The following CTNNA2 variants were observed in gnomAD, a reference collection of about 807,000 sequenced individuals.
CTNNA2 encodes the protein catenin alpha 2.
Under a neutral mutation model 101.0 loss-of-function variants are expected in CTNNA2, and 42 were observed. That is an observed-to-expected ratio of 0.42 (90% CI 0.32 to 0.54). The LOEUF (loss-of-function observed/expected upper bound fraction) is 0.54. Among genes scored for constraint, CTNNA2 ranks in the 20% least tolerant of loss-of-function variants. The pLI is 0.14. For missense variants in CTNNA2, 871 were observed against 1,223.1 expected (o/e 0.71, Z 4.29); for synonymous variants, 450 against 456.4 (o/e 0.99, Z 0.18).
In CTNNA2 at chr2:80,265,685, C is replaced by G. The variant is rs541005053; in HGVS notation, c.1057-127526C>G. Among the ~76,000 whole-genome samples, 14 of 152,292 alleles carry G rather than the reference C, an allele frequency of 9.2e-5. No individual in the cohort carries two copies. The East Asian group carries it at 1.5e-3, about 17-fold the overall frequency. ...TTCTGTGTTGACATGTAACTTCTGT[C>G]CTCTATGTGCCTGATCTACTCAGCT... On this transcript the variant is annotated intron_variant, in intron 7 of 18. Transcript: ENST00000402739.
Position 79,347,899 on chromosome 2 carries a change from C to G in CTNNA2, c.-317-25932C>G. The stretch of plus-strand genomic sequence containing the variant: ...GAAGAGCATGTAATCTAGATATACC[C>G]CTTTATCAGGTATAAAATGATGATC... On this transcript the variant is annotated intron_variant, in intron 3 of 21. Transcript: ENST00000466387. Among the ~76,000 whole-genome samples the G allele has an allele frequency of 1.3e-5, 2 of 151,412 alleles. 1 individual carries two copies. The highest frequency in any genetic ancestry group is 1.3e-4 in the Admixed American group (2 of 15,162).
chr2:79,423,870 A>G (rs1678565792), intron 4 of CTNNA2, among the ~76,000 whole-genome samples: 2 of 152,240 alleles, frequency 1.3e-5, no homozygotes, highest in Non-Finnish European at 2.9e-5. Flanking sequence ...GATATCCTTT[A>G]TTATTGTTCT....
chr2:79,302,760 G>T (rs1676143213), intron 2 of CTNNA2, among the ~76,000 whole-genome samples: 1 of 152,096 alleles, frequency 6.6e-6, no homozygotes, highest in East Asian at 1.9e-4. Context: ...TCAGTGATTT[G>T]CATAAATAGC....
At chr2:79,336,377 A>G (rs985188104) in intron 3 of CTNNA2, among the ~76,000 whole-genome samples, 2 of 152,114 alleles carry the variant, frequency 1.3e-5, no homozygotes, top group Non-Finnish European at 2.9e-5. Flanking sequence ...AGAGTCCCCC[A>G]CTGAGAATGA....
upstream of CTNNA2, among the ~76,000 whole-genome samples, chr2:79,512,081 C>T (rs1671559436): frequency 6.6e-6 from 1 of 152,166 alleles, no homozygotes; most frequent in Admixed American, 6.5e-5. Flanking sequence ...TAGCTGTGTA[C>T]CTTTTTCACT....
At chr2:79,413,618 A>G (rs528114340) in intron 4 of CTNNA2, among the ~76,000 whole-genome samples, 3 of 152,100 alleles carry the variant, frequency 2.0e-5, no homozygotes, top group Admixed American at 6.6e-5. Flanking sequence ...TTCTATTTTT[A>G]ATTTTTTGAG....
chr2:79,965,256 C>G (rs1689957020), intron 7 of CTNNA2, among the ~76,000 whole-genome samples: 1 of 152,176 alleles, frequency 6.6e-6, no homozygotes, highest in African/African-American at 2.4e-5. Flanking sequence ...TTCTGCCAGG[C>G]TGTGTGATAT....
At position 79,327,873 on chromosome 2, in the gene CTNNA2, C is replaced by T. The variant is rs539099189; in HGVS notation, c.-318+15077C>T. ...CAATTCTGATTGGCACAGTGTCTAG[C>T]CATCTCCTTGGAAAGACTCTGTGAA... On this transcript the variant is annotated intron_variant, in intron 3 of 21. Transcript: ENST00000466387. Among the ~76,000 whole-genome samples the T allele has an allele frequency of 3.3e-5, 5 of 152,272 alleles. No individual in the cohort carries two copies. The East Asian group carries it at 9.7e-4, about 29-fold the overall frequency.
chr2:79,909,029 C>T (rs963503817), intron 6 of CTNNA2, among the ~76,000 whole-genome samples: 2 of 152,164 alleles, frequency 1.3e-5, no homozygotes, highest in Non-Finnish European at 2.9e-5. Context: ...TGTGACAAGT[C>T]TCATACACAC....
At chr2:80,632,618 C>A (rs1427633684) in intron 18 of CTNNA2, among the ~76,000 whole-genome samples, 1 of 152,074 alleles carries the variant, frequency 6.6e-6, no homozygotes, top group Non-Finnish European at 1.5e-5. Flanking sequence ...AAGAAAACTT[C>A]TTTTAGAAGT....
At chr2:80,425,493 T>A (rs1361510367) in intron 9 of CTNNA2, among the ~76,000 whole-genome samples, 1 of 152,136 alleles carries the variant, frequency 6.6e-6, no homozygotes, top group Admixed American at 6.6e-5. Context: ...TAATGCCTCT[T>A]CTCCCCATTA....
At chr2:80,257,207 C>T (rs17018908) in intron 7 of CTNNA2, among the ~76,000 whole-genome samples, 3 of 151,640 alleles carry the variant, frequency 2.0e-5, no homozygotes, top group African/African-American at 7.3e-5. Flanking sequence ...TAATTTTGAG[C>T]TACGTGGTTA....
intron 7 of CTNNA2, among the ~76,000 whole-genome samples, chr2:80,306,600 A>G (rs777939465): frequency 6.6e-6 from 1 of 151,930 alleles, no homozygotes; most frequent in Non-Finnish European, 1.5e-5. Flanking sequence ...CAGACAGACA[A>G]ACAAATTCAC....
At chr2:79,197,739 G>T (rs1214082272) in intron 1 of CTNNA2, among the ~76,000 whole-genome samples, 1 of 152,134 alleles carries the variant, frequency 6.6e-6, no homozygotes, top group Non-Finnish European at 1.5e-5. Context: ...TGTGCCGTGG[G>T]TTTTACTTAT....
chr2:80,054,920 G>A (rs143902026), intron 7 of CTNNA2, among the ~76,000 whole-genome samples: 3 of 152,264 alleles, frequency 2.0e-5, no homozygotes, highest in African/African-American at 7.2e-5. Flanking sequence ...GGTGAAGAGA[G>A]TGGAGGGGGT....
At chr2:79,457,731 T>G (rs925097321) in intron 4 of CTNNA2, among the ~76,000 whole-genome samples, 1 of 152,192 alleles carries the variant, frequency 6.6e-6, no homozygotes, top group African/African-American at 2.4e-5. Flanking sequence ...TGACTAAGTT[T>G]AAGAATATTA....
At chr2:80,233,250 A>C (rs1485558656) in intron 7 of CTNNA2, among the ~76,000 whole-genome samples, 1 of 152,120 alleles carries the variant, frequency 6.6e-6, no homozygotes, top group Non-Finnish European at 1.5e-5. Flanking sequence ...TTGTGAAATA[A>C]ATGTCTGCTG....
chr2:79,240,954 C>A (rs1674618515), intron 2 of CTNNA2, among the ~76,000 whole-genome samples: 4 of 152,184 alleles, frequency 2.6e-5, no homozygotes, highest in Admixed American at 2.6e-4. Flanking sequence ...GTTTAACCAT[C>A]CATCTTGAGG....
chr2:80,601,421 C>CTTTTTTT (rs56921519), intron 15 of CTNNA2, among the ~76,000 whole-genome samples: 12 of 84,390 alleles, frequency 1.4e-4, no homozygotes, highest in African/African-American at 5.7e-4. Flanking sequence ...TTCTTTCTTT[C>CTTTTTTT]TTTTTTTTTT....
Sources: allele counts gnomAD v4.1 joint callset (sites outside exome capture counted in the v4.1 genomes callset), GRCh38; gene constraint gnomAD v4.1.1; transcripts MANE v1.5; gene names NCBI Gene and HGNC (gene_info 2026-07-23, HGNC 2026-07-21).